The following PCDHGA7 variants were observed in gnomAD, a reference collection of about 807,000 sequenced individuals.
The protein encoded by PCDHGA7 is protocadherin gamma subfamily A, 7.
A neutral mutation model predicts 58.3 loss-of-function variants in PCDHGA7; 44 were observed. That is an observed-to-expected ratio of 0.75 (90% CI 0.59 to 0.97). PCDHGA7 has a LOEUF of 0.97. PCDHGA7 is among the 50% of genes least tolerant of loss of function. The pLI is 0.00. For missense variants in PCDHGA7, 1,266 were observed against 1,188.7 expected (o/e 1.06, Z -0.96); for synonymous variants, 516 against 504.2 (o/e 1.02, Z -0.31).
chr5:141,394,968 T>A, intron 1 of PCDHGA7: 1 of 1,613,938 alleles, frequency 6.2e-7, no homozygotes, highest in Non-Finnish European at 8.5e-7. Flanking sequence ...GCTGAGGCGC[T>A]GGCACAAGTC....
intron 1 of PCDHGA7, chr5:141,404,432 GATACC>G: frequency 6.2e-7 from 1 of 1,613,380 alleles, no homozygotes; most frequent in African/African-American, 1.3e-5. Context: ...CTTGGCAGAG[GATACC>G]ATCCAAGGGT....
chr5:141,385,131 C>A lies in PCDHGA7; in HGVS notation c.2232C>A (p.Asp744Glu), dbSNP rs371376308. ...NVPTSHFVGM[D>E]GVQAFLQTYS... Reference sequence around the variant, plus strand: ...CCACCTCGCACTTTGTGGGCATGGACGGGGTGCAGGCTTTCCTGCAGACCT... The same window carrying A: ...CCACCTCGCACTTTGTGGGCATGGAAGGGGTGCAGGCTTTCCTGCAGACCT... The change falls in exon 1 of 4, where the codon GAC becomes GAA. Residue 744 changes from aspartate (D) to glutamate (E), a missense_variant. By Grantham distance (45) the Asp-to-Glu change is conservative (BLOSUM62 2). Transcript: ENST00000518325. The A allele has an allele frequency of 1.2e-6, 2 of 1,614,200 alleles. No homozygotes were observed. Among genetic ancestry groups the A allele is most frequent in the Non-Finnish European group, 1.7e-6 (2 of 1,180,056 alleles).
In PCDHGA7 at chr5:141,384,791, C is replaced by A. The variant is rs773450358; in HGVS notation, c.1892C>A (p.Ala631Asp). 1.4e-5 allele frequency: 22 copies of A among 1,613,424 alleles called. No individual in the cohort carries two copies. The highest frequency in any genetic ancestry group is 1.9e-5 in the Non-Finnish European group (22 of 1,179,874). ...LYTGEVRTAR[A>D]LLDRDALKQS... ...ACGGGCGAGGTGCGCACGGCTCGGG[C>A]CCTGCTGGACAGAGATGCCCTCAAG... The change falls in exon 1 of 4, where the codon GCC becomes GAC. Residue 631 changes from alanine (A) to aspartate (D), a missense_variant. Physicochemically the swap from Ala to Asp is moderately radical, Grantham distance 126. Transcript: ENST00000518325.
At chr5:141,411,954 A>T (rs563669924) in intron 1 of PCDHGA7, 1 of 152,382 alleles carries the variant, frequency 6.6e-6, no homozygotes, top group East Asian at 1.9e-4. Flanking sequence ...TTTTGAAGAA[A>T]AAAGATAAAA....
rs767225609 is a variant in PCDHGA7 at position 141,390,056 on chromosome 5, C to T, written c.2424+4733C>T. On this transcript the variant is annotated intron_variant, in intron 1 of 3. Transcript: ENST00000518325. ...CCTCCAGCCCCGCCTCCTGGAGCTG[C>T]TTCCAGCCTGGTCTCTGTGTTAAAT... 9 of 1,613,960 alleles carry T rather than the reference C, an allele frequency of 5.6e-6. No homozygotes were observed. In the Admixed American group the frequency reaches 1.3e-4, roughly 24 times the overall value.
At chr5:141,470,469 A>T (rs1423801455) in intron 1 of PCDHGA7, among the ~76,000 whole-genome samples, 1 of 152,194 alleles carries the variant, frequency 6.6e-6, no homozygotes, top group Non-Finnish European at 1.5e-5. Context: ...ATTTTCTGAT[A>T]TTACTAACCC....
In PCDHGA7 at chr5:141,511,352, C is replaced by A. The variant is rs2099883742; in HGVS notation, c.*179C>A. The A allele has an allele frequency of 3.6e-6, 5 of 1,381,248 alleles. No homozygotes were observed. The highest frequency in any genetic ancestry group is 2.7e-4 in the Middle Eastern group (1 of 3,772). 85.6% of individuals were successfully genotyped at this position (1,381,248 alleles called of 1,614,324 possible). ...CAGTCAGCACCTACCCCTTCCCCCCCAGGGGGTTGAATATGCAAAAGCAGT... is the reference window on the plus strand; with the variant it reads ...CAGTCAGCACCTACCCCTTCCCCCCAAGGGGGTTGAATATGCAAAAGCAGT... On this transcript the variant is annotated 3_prime_UTR_variant, in exon 4 of 4. Coordinates refer to ENST00000518325, the MANE Select transcript of PCDHGA7 (RefSeq NM_018920.4).
chr5:141,463,644 G>C (rs1356692609), intron 1 of PCDHGA7, among the ~76,000 whole-genome samples: 1 of 151,596 alleles, frequency 6.6e-6, no homozygotes, highest in Non-Finnish European at 1.5e-5. Context: ...GTAGAGACGG[G>C]GTTTCACCGT....
chr5:141,477,087 C>T lies in PCDHGA7; in HGVS notation c.2425-17720C>T, dbSNP rs748424193. ...AAACTCCATGAGATTTACATCCAGG[C>T]CAAAGACAAGGGCGCCAATCCCGAA... On this transcript the variant is annotated intron_variant, in intron 1 of 3. Coordinates refer to ENST00000518325, the MANE Select transcript of PCDHGA7 (RefSeq NM_018920.4). The surrounding 1 kb of genome is among the most constrained non-coding windows in gnomAD (Gnocchi z 4.9). The T allele has an allele frequency of 1.2e-6, 2 of 1,614,244 alleles. No individual in the cohort carries two copies. Among genetic ancestry groups the T allele is most frequent in the Admixed American group, 3.3e-5 (2 of 60,032 alleles).
intron 1 of PCDHGA7, chr5:141,394,856 G>T (rs1008039711): frequency 1.2e-6 from 2 of 1,613,674 alleles, no homozygotes; most frequent in African/African-American, 2.7e-5. Context: ...TGAAGCCTTC[G>T]GTCGACCCGA....
chr5:141,427,105 A>C (rs1413188668), intron 1 of PCDHGA7: 1 of 457,776 alleles, frequency 2.2e-6, no homozygotes, highest in Non-Finnish European at 4.4e-6. Flanking sequence ...GTCAATGCGG[A>C]GATCACCTAC....
At chr5:141,438,765 G>A (rs1012158127) in intron 1 of PCDHGA7, among the ~76,000 whole-genome samples, 5 of 149,658 alleles carry the variant, frequency 3.3e-5, no homozygotes, top group Middle Eastern at 3.4e-3. Context: ...GGGTTCAAGC[G>A]ATTCTCCTGC....
At chr5:141,483,640 G>T (rs1406049976) in intron 1 of PCDHGA7, among the ~76,000 whole-genome samples, 3 of 144,232 alleles carry the variant, frequency 2.1e-5, no homozygotes, top group Non-Finnish European at 4.5e-5. Flanking sequence ...GTATAGAGGG[G>T]TGTGTGTTTG....
chr5:141,426,960 A>G, intron 1 of PCDHGA7: 1 of 456,776 alleles, frequency 2.2e-6, no homozygotes, highest in South Asian at 1.5e-5. Context: ...CACTGCTGCA[A>G]TTCAAATTGA....
At chr5:141,401,239 G>A (rs1024455506) in intron 1 of PCDHGA7, among the ~76,000 whole-genome samples, 6 of 152,154 alleles carry the variant, frequency 3.9e-5, no homozygotes, top group Admixed American at 6.5e-5. Flanking sequence ...CTACTCAGGA[G>A]GCTAAGACAG....
At chr5:141,413,115 A>C in intron 1 of PCDHGA7, 1 of 1,507,478 alleles carries the variant, frequency 6.6e-7, no homozygotes, top group Non-Finnish European at 8.9e-7. Context: ...AGACAAAGGA[A>C]CCGGTTGAAA....
rs1386460009 is a variant in PCDHGA7 at position 141,390,018 on chromosome 5, C to T, written c.2424+4695C>T. On this transcript the variant is annotated intron_variant, in intron 1 of 3. Transcript: ENST00000518325. ...GGCCATGATTCTGGCCATTGCCTTG[C>T]GCCTGCGACGCTCCTCCAGCCCCGC... is the stretch of plus-strand genomic sequence containing the variant. The T allele has an allele frequency of 6.2e-7, 1 of 1,614,062 alleles. No individual in the cohort carries two copies. Among genetic ancestry groups the T allele is most frequent in the South Asian group, 1.1e-5 (1 of 91,078 alleles).
At chr5:141,502,815 TTTCC>T in intron 2 of PCDHGA7, among the ~76,000 whole-genome samples, 1 of 151,372 alleles carries the variant, frequency 6.6e-6, no homozygotes, top group East Asian at 1.9e-4. Context: ...TTCACTGTCT[TTTCC>T]TTGGGGAAGC....
intron 1 of PCDHGA7, chr5:141,389,665 C>A (rs1258802999): frequency 6.2e-7 from 1 of 1,612,414 alleles, no homozygotes; most frequent in East Asian, 2.2e-5. Context: ...GCGGTGGACG[C>A]AGACTCAGGA....
Sources: gnomAD v4.1 joint callset for allele counts (sites outside exome capture counted in the v4.1 genomes callset) on GRCh38, gnomAD v4.1.1 for gene constraint, Gnocchi (gnomAD v3.1) non-coding constraint, MANE v1.5 for transcripts, NCBI Gene and HGNC (gene_info 2026-07-23, HGNC 2026-07-21) for gene names.